Variants in TRAPPC9 observed in about 807,000 individuals in gnomAD.
TRAPPC9 encodes IKK2 binding protein.
A neutral mutation model predicts 124.0 loss-of-function variants in TRAPPC9; 83 were observed. The observed-to-expected ratio is 0.67, with a 90% CI of 0.56 to 0.80. TRAPPC9 has a LOEUF of 0.80. TRAPPC9 is among the 30% of genes least tolerant of loss of function. The pLI is 0.00. For synonymous variants in TRAPPC9, 638 were observed against 617.5 expected, an observed-to-expected ratio of 1.03 and a Z score of -0.49; for missense variants, 1,302 against 1,508.3, an observed-to-expected ratio of 0.86 and a Z score of 2.27.
chr8:140,001,774 T>C (rs1352983620), intron 18 of TRAPPC9, among the ~76,000 whole-genome samples: 1 of 152,192 alleles, frequency 6.6e-6, no homozygotes, highest in Non-Finnish European at 1.5e-5. Context: ...TATCCACTGC[T>C]AGTAGTGATG....
rs1435351680 is a variant in TRAPPC9, at chr8:139,907,926, TGTGAA to T, written c.2964+2216_2964+2220del. Among the ~76,000 whole-genome samples, 1 of 152,184 alleles carries T rather than the reference TGTGAA, an allele frequency of 6.6e-6. No individual in the cohort carries two copies. Among genetic ancestry groups the T allele is most frequent in the Non-Finnish European group, 1.5e-5 (1 of 68,026 alleles). ...GGAACTGGCCACGCCACTTTCTCTT[TGTGAA>T]GTGGAGTCACAGTTTTCATCTGCAA... is the stretch of plus-strand genomic sequence containing the variant. On this transcript the variant is annotated intron_variant, in intron 20 of 22. Transcript: ENST00000438773. The surrounding 1 kb of genome is among the most constrained non-coding windows in gnomAD (Gnocchi z 4.7).
At chr8:140,051,908 T>C (rs899031597) in intron 17 of TRAPPC9, among the ~76,000 whole-genome samples, 5 of 152,002 alleles carry the variant, frequency 3.3e-5, no homozygotes, top group African/African-American at 7.2e-5. Flanking sequence ...CCAATCCAAA[T>C]GCATCCACTG....
At chr8:140,158,975 C>T (rs777182800) in intron 17 of TRAPPC9, among the ~76,000 whole-genome samples, 4 of 152,214 alleles carry the variant, frequency 2.6e-5, no homozygotes, top group African/African-American at 7.2e-5. Context: ...TGGAAGAACA[C>T]CTATGAACAT....
chr8:140,100,344 T>C (rs911535598), intron 17 of TRAPPC9: 3 of 151,814 alleles, frequency 2.0e-5, no homozygotes, highest in African/African-American at 7.3e-5. Flanking sequence ...GTCAGCAGGG[T>C]AGCGACACCC....
chr8:140,225,931 T>C (rs1005890309), intron 16 of TRAPPC9, among the ~76,000 whole-genome samples: 1 of 152,258 alleles, frequency 6.6e-6, no homozygotes, highest in South Asian at 2.1e-4. Flanking sequence ...TCTTTTTGTT[T>C]GTTTGTTTTT....
At chr8:140,362,553 A>G (rs1419069806) in intron 8 of TRAPPC9, among the ~76,000 whole-genome samples, 1 of 152,216 alleles carries the variant, frequency 6.6e-6, no homozygotes, top group East Asian at 1.9e-4. Context: ...AAAATAAAAA[A>G]AACACTACTT....
chr8:139,869,780 A>T (rs988946112), intron 21 of TRAPPC9, among the ~76,000 whole-genome samples: 1 of 152,240 alleles, frequency 6.6e-6, no homozygotes, highest in Non-Finnish European at 1.5e-5. Context: ...CAAAGTAATT[A>T]CCATAGGAAG....
chr8:140,358,012 C>T (rs1051866294), intron 9 of TRAPPC9, among the ~76,000 whole-genome samples: 1 of 152,180 alleles, frequency 6.6e-6, no homozygotes, highest in African/African-American at 2.4e-5. Flanking sequence ...CCAACGGCCA[C>T]AATAAGTGGT....
At chr8:140,306,927 T>A (rs754568841) in intron 10 of TRAPPC9, among the ~76,000 whole-genome samples, 13 of 152,048 alleles carry the variant, frequency 8.5e-5, no homozygotes, top group Non-Finnish European at 1.8e-4. Flanking sequence ...GGGCCTTGGG[T>A]GTCATTTGCT....
Position 140,087,856 on chromosome 8 carries a change from C to G in TRAPPC9, c.2557-63777G>C, listed in dbSNP as rs541447741. ...CTCTCCTGCAGCTTGTCGCCGCCAG[C>G]CCCAGAAAAACCCACCATCACTGAC... On this transcript the variant is annotated intron_variant, in intron 17 of 22. Coordinates refer to ENST00000438773, the MANE Select transcript of TRAPPC9 (RefSeq NM_001160372.4). The surrounding 1 kb of genome is among the most constrained non-coding windows in gnomAD (Gnocchi z 4.6). Among the ~76,000 whole-genome samples the G allele has an allele frequency of 3.3e-5, 5 of 152,076 alleles. No individual in the cohort carries two copies. The highest frequency in any genetic ancestry group is 4.8e-5 in the African/African-American group (2 of 41,412).
chr8:140,200,339 C>T (rs2062758678), intron 17 of TRAPPC9, among the ~76,000 whole-genome samples: 2 of 152,124 alleles, frequency 1.3e-5, no homozygotes, highest in Non-Finnish European at 2.9e-5. Context: ...AGATGCACCC[C>T]CACCAGAAGG....
intron 19 of TRAPPC9, among the ~76,000 whole-genome samples, chr8:139,966,702 G>A (rs1213333364): frequency 6.6e-6 from 1 of 152,152 alleles, no homozygotes; most frequent in Non-Finnish European, 1.5e-5. Context: ...TTCTGTACCG[G>A]CCATAGGGGG....
intron 21 of TRAPPC9, among the ~76,000 whole-genome samples, chr8:139,809,072 G>A (rs1284675401): frequency 6.6e-6 from 1 of 152,202 alleles, no homozygotes; most frequent in African/African-American, 2.4e-5. Context: ...AGAGTCTACT[G>A]ATTGTAATAT....
At chr8:139,796,082 G>GA (rs1823056954) in intron 21 of TRAPPC9, among the ~76,000 whole-genome samples, 1 of 144,920 alleles carries the variant, frequency 6.9e-6, no homozygotes, top group Non-Finnish European at 1.5e-5. Context: ...GGAGGAAGAG[G>GA]AGAAGGAGGA....
intron 21 of TRAPPC9, among the ~76,000 whole-genome samples, chr8:139,787,449 C>T (rs762758020): frequency 3.3e-5 from 5 of 152,126 alleles, no homozygotes; most frequent in African/African-American, 4.8e-5. Flanking sequence ...CCTAAAATCT[C>T]CCTGCCGGGC....
intron 20 of TRAPPC9, among the ~76,000 whole-genome samples, chr8:139,892,439 C>G (rs746991120): frequency 2.0e-5 from 3 of 152,206 alleles, no homozygotes; most frequent in Non-Finnish European, 2.9e-5. Context: ...CCTCAAGAAT[C>G]TCAGAGGCAG....
chr8:139,799,484 G>C (rs1220808380), intron 21 of TRAPPC9, among the ~76,000 whole-genome samples: 2 of 152,158 alleles, frequency 1.3e-5, no homozygotes, highest in African/African-American at 4.8e-5. Flanking sequence ...CCATGGAGGG[G>C]CCAGCCCTTA....
At chr8:139,967,523 C>T (rs1234883656) in intron 19 of TRAPPC9, among the ~76,000 whole-genome samples, 1 of 152,186 alleles carries the variant, frequency 6.6e-6, no homozygotes, top group African/African-American at 2.4e-5. Context: ...AGGATTCCTG[C>T]CAAAGGGGGC....
At chr8:140,170,574 T>A (rs1346583449) in intron 17 of TRAPPC9, among the ~76,000 whole-genome samples, 3 of 152,136 alleles carry the variant, frequency 2.0e-5, no homozygotes, top group African/African-American at 4.8e-5. Context: ...CATATAGACA[T>A]CCCACTCTGG....
Sources: gnomAD v4.1 joint callset for allele counts (sites outside exome capture counted in the v4.1 genomes callset) on GRCh38, gnomAD v4.1.1 for gene constraint, Gnocchi (gnomAD v3.1) non-coding constraint, MANE v1.5 for transcripts, NCBI Gene and HGNC (gene_info 2026-07-23, HGNC 2026-07-21) for gene names.